HERC1: variants seen among roughly 807,000 people sequenced by gnomAD.
The protein encoded by HERC1 is probable E3 ubiquitin-protein ligase HERC1.
Under a neutral mutation model 554.3 loss-of-function variants are expected in HERC1, and 160 were observed. That is an observed-to-expected ratio of 0.29 (90% CI 0.25 to 0.33). HERC1 has a LOEUF of 0.33. Ranked by LOEUF, HERC1 falls within the 10% of genes least tolerant of loss-of-function variation. The pLI is 1.00. For missense variants in HERC1, 4,919 were observed against 5,918.5 expected, an observed-to-expected ratio of 0.83 and a Z score of 5.54; for synonymous variants, 2,175 against 2,131.7, an observed-to-expected ratio of 1.02 and a Z score of -0.56.
At chr15:63,705,597 G>A (rs1485320465) in intron 25 of HERC1, among the ~76,000 whole-genome samples, 1 of 151,990 alleles carries the variant, frequency 6.6e-6, no homozygotes, top group East Asian at 1.9e-4. Context: ...GCTATTAAGA[G>A]AAGGGTTTCA....
In HERC1 at chr15:63,686,345, G is replaced by T. The variant is rs2071763818; in HGVS notation, c.6225+14C>A. 1 of 1,562,082 alleles carries T rather than the reference G, an allele frequency of 6.4e-7. No homozygotes were observed. The highest frequency in any genetic ancestry group is 1.2e-5 in the South Asian group (1 of 83,060). On this transcript the variant is annotated intron_variant, in intron 34 of 77. Coordinates refer to ENST00000443617, the MANE Select transcript of HERC1 (RefSeq NM_003922.4). ...AAAGACAAAATGCTAAAAACTATTAGATTTTCTACGTACCTTCCACTGATA... is the reference window on the plus strand; with the variant it reads ...AAAGACAAAATGCTAAAAACTATTATATTTTCTACGTACCTTCCACTGATA...
intron 40 of HERC1, among the ~76,000 whole-genome samples, chr15:63,668,485 A>AAAACAAAC (rs967265739): frequency 8.5e-5 from 13 of 152,160 alleles, no homozygotes; most frequent in Non-Finnish European, 1.9e-4. Flanking sequence ...GCTGTCTCTA[A>AAAACAAAC]AAACAAACAA....
Position 63,713,589 on chromosome 15 carries a change from C to G in HERC1, c.4227G>C (p.Gly1409=), listed in dbSNP as rs368830666. 1 of 1,613,858 alleles carries G rather than the reference C, an allele frequency of 6.2e-7. No individual in the cohort carries two copies. The highest frequency in any genetic ancestry group is 8.5e-7 in the Non-Finnish European group (1 of 1,179,838). The change falls in exon 23 of 78, where the codon GGG becomes GGC. Residue 1409 remains glycine, a synonymous_variant. Transcript: ENST00000443617. ...RDRDRMNSGA[G]SGARADDPPP... Reference sequence around the variant, plus strand: ...GTGGATCATCAGCTCGAGCCCCAGACCCTGCCCCACTGTTCATTCTATCTC... The same window carrying G: ...GTGGATCATCAGCTCGAGCCCCAGAGCCTGCCCCACTGTTCATTCTATCTC...
rs182456322 is a variant in HERC1, at chr15:63,724,233, T to C, written c.3569-878A>G. Among the ~76,000 whole-genome samples the C allele has an allele frequency of 2.5e-3, 380 of 152,324 alleles. 2 individuals carry two copies. Among genetic ancestry groups the C allele is most frequent in the Middle Eastern group, 0.01 (3 of 294 alleles). ...ATACTTTTGTTCTCAGGAGGTCCTT[T>C]AGGACTGTCACAAGGTTAAACACTG... On this transcript the variant is annotated intron_variant, in intron 18 of 77. Transcript: ENST00000443617.
Position 63,666,159 on chromosome 15 carries a change from G to A in HERC1, c.8324-9C>T, listed in dbSNP as rs375461409. ...AGCCTCTCCCCTAGCACCTATACAG[G>A]GGAAAAACAGTCTGATGCTGACTTT... On this transcript the variant is annotated splice_polypyrimidine_tract_variant and intron_variant, in intron 41 of 77. Coordinates refer to ENST00000443617, the MANE Select transcript of HERC1 (RefSeq NM_003922.4). 6.3e-7 allele frequency: 1 copy of A among 1,594,758 alleles called. No individual in the cohort carries two copies. Among genetic ancestry groups the A allele is most frequent in the African/African-American group, 1.4e-5 (1 of 74,046 alleles).
chr15:63,792,516 C>T (rs895470787), intron 1 of HERC1, among the ~76,000 whole-genome samples: 1 of 152,214 alleles, frequency 6.6e-6, no homozygotes, highest in Admixed American at 6.5e-5. Flanking sequence ...GTATCCCCAA[C>T]TAATTCCCTT....
At chr15:63,722,080 G>A (rs562911062) in intron 19 of HERC1, among the ~76,000 whole-genome samples, 4 of 152,136 alleles carry the variant, frequency 2.6e-5, no homozygotes, top group Non-Finnish European at 5.9e-5. Flanking sequence ...GGCCAGGCTG[G>A]TCTCAAACTC....
At position 63,651,274 on chromosome 15, in the gene HERC1, C is replaced by A. The variant is rs1469345115; in HGVS notation, c.10525G>T (p.Val3509Leu). The A allele has an allele frequency of 6.2e-7, 1 of 1,613,840 alleles. No individual in the cohort carries two copies. Residue 3509 changes from valine to leucine, a missense_variant, in exon 53 of 78, where the codon GTG becomes TTG. Val to Leu is a conservative substitution (Grantham distance 32). This residue lies in a region of HERC1 where 1,963 missense variants were observed against 2,228.6 expected (regional missense o/e 0.88). Coordinates refer to ENST00000443617, the MANE Select transcript of HERC1 (RefSeq NM_003922.4). ...KYLAGALEKM[V>L]NIWQVNGGKG... ...TTACCATTAACTTGCCAGATATTCA[C>A]CATCTTTTCCAAAGCGCCTGCTAGA...
rs1471953644 is a variant in HERC1, at chr15:63,775,478, G to A, written c.146C>T (p.Pro49Leu). 5.0e-6 allele frequency: 8 copies of A among 1,614,012 alleles called. No homozygotes were observed. Among genetic ancestry groups the A allele is most frequent in the Middle Eastern group, 1.6e-4 (1 of 6,062 alleles). The change falls in exon 2 of 78, where the codon CCT (proline) becomes CTT (leucine). Residue 49 changes from proline to leucine, a missense_variant. This residue lies in a region of HERC1 where 110 missense variants were observed against 99.3 expected (regional missense o/e 1.11). Transcript: ENST00000443617. The surrounding 1 kb of genome is among the most constrained non-coding windows in gnomAD (Gnocchi z 4.0). ...GAGGCATAAAACTTGTTGGGGCAAA[G>A]GTACTACTTCCTTATTGCTAACCAG... Reference protein sequence around the residue: ...SKLVSNKEVVPLPQQVLCLKG... With the variant: ...SKLVSNKEVVLLPQQVLCLKG...
intron 1 of HERC1, among the ~76,000 whole-genome samples, chr15:63,811,572 G>A (rs2077309822): frequency 6.6e-6 from 1 of 152,054 alleles, no homozygotes; most frequent in Non-Finnish European, 1.5e-5. Flanking sequence ...CACTTTCGGC[G>A]GCCGAGACGG....
chr15:63,716,224 C>A, intron 22 of HERC1, 78 bp downstream of exon 22: 2 of 1,327,808 alleles, frequency 1.5e-6, no homozygotes, highest in South Asian at 1.4e-5. Context: ...AGAAACTTTG[C>A]CTTTCTCTTT....
chr15:63,762,561 G>A (rs777269276), intron 3 of HERC1, among the ~76,000 whole-genome samples: 1 of 152,082 alleles, frequency 6.6e-6, no homozygotes, highest in African/African-American at 2.4e-5. Flanking sequence ...CTGACCTCAG[G>A]TAATCCACCC....
At chr15:63,816,084 A>T (rs995436628) in intron 1 of HERC1, among the ~76,000 whole-genome samples, 1 of 57,362 alleles carries the variant, frequency 1.7e-5, no homozygotes, top group African/African-American at 6.9e-5. Context: ...GTGGGGACAC[A>T]GCCAAACCAT....
chr15:63,768,081 A>T (rs1417409293), intron 2 of HERC1, among the ~76,000 whole-genome samples: 1 of 152,196 alleles, frequency 6.6e-6, no homozygotes, highest in Non-Finnish European at 1.5e-5. Flanking sequence ...ATAGCTTTCA[A>T]TAACTATGAT....
chr15:63,705,410 C>T (rs930396202), intron 25 of HERC1, among the ~76,000 whole-genome samples: 5 of 152,072 alleles, frequency 3.3e-5, no homozygotes, highest in Non-Finnish European at 5.9e-5. Flanking sequence ...AGCCACCACA[C>T]CTGGCCCATT....
rs2074404727 is a variant in HERC1 at position 63,734,107 on chromosome 15, G to C, written c.2646+617C>G. On this transcript the variant is annotated intron_variant, in intron 13 of 77. Coordinates refer to ENST00000443617, the MANE Select transcript of HERC1 (RefSeq NM_003922.4). This position sits in a 1 kb window ranked among gnomAD's most constrained non-coding sequence, Gnocchi z 4.6. ...CCTTGAGCTTAGGAGTTCAAGGTTA[G>C]AGTGAGCTATGATTGCACCACCCTA... Among the ~76,000 whole-genome samples, 1 of 152,116 alleles carries C rather than the reference G, an allele frequency of 6.6e-6. No individual in the cohort carries two copies. Among genetic ancestry groups the C allele is most frequent in the Non-Finnish European group, 1.5e-5 (1 of 68,020 alleles).
intron 34 of HERC1, among the ~76,000 whole-genome samples, chr15:63,681,489 A>G (rs566769072): frequency 4.1e-4 from 62 of 151,984 alleles, no homozygotes; most frequent in African/African-American, 1.2e-3. Context: ...CAGCCACTAC[A>G]CCTAGTGTGA....
rs1368971605 is a variant in HERC1, at chr15:63,713,550, C to A, written c.4266G>T (p.Gln1422His). 1 of 1,613,842 alleles carries A rather than the reference C, an allele frequency of 6.2e-7. No individual in the cohort carries two copies. The highest frequency in any genetic ancestry group is 1.6e-4 in the Middle Eastern group (1 of 6,084). The change falls in exon 23 of 78, where the codon CAG (glutamine) becomes CAT (histidine). Residue 1422 changes from glutamine (Q) to histidine (H), a missense_variant. Transcript: ENST00000443617. Reference sequence around the variant, plus strand: ...GGTCTGTGCTGACCCTTCGCTCTTGCTGAGACTGAGGAGGTGGATCATCAG... The same window carrying A: ...GGTCTGTGCTGACCCTTCGCTCTTGATGAGACTGAGGAGGTGGATCATCAG... ...ARADDPPPQS[Q>H]QERRVSTDLP...
rs770158556 is a variant in HERC1 at position 63,675,072 on chromosome 15, C to T, written c.7116G>A (p.Leu2372=). Residue 2372 remains leucine, a synonymous_variant, in exon 38 of 78, where the codon CTG becomes CTA. Coordinates refer to ENST00000443617, the MANE Select transcript of HERC1 (RefSeq NM_003922.4). ...WSPSDTPLYN[L]EPCEPLPFDV... is the part of the protein sequence containing the mutation. ...CAAACGGCAATGGTTCACAGGGTTC[C>T]AGATTATACAATGGAGTATCACTAG... The T allele has an allele frequency of 6.2e-7, 1 of 1,613,174 alleles. No individual in the cohort carries two copies. The highest frequency in any genetic ancestry group is 1.7e-5 in the Admixed American group (1 of 59,908).
Sources: allele counts gnomAD v4.1 joint callset (sites outside exome capture counted in the v4.1 genomes callset), GRCh38; gene constraint gnomAD v4.1.1; regional missense constraint gnomAD v4.1.1; non-coding constraint Gnocchi (gnomAD v3.1); transcripts MANE v1.5; gene names NCBI Gene and HGNC (gene_info 2026-07-23, HGNC 2026-07-21).